The following ATXN7L1 variants were observed in gnomAD, a reference collection of about 807,000 sequenced individuals.
The protein encoded by ATXN7L1 is ataxin-7-like protein 1.
A neutral mutation model predicts 70.8 loss-of-function variants in ATXN7L1; 15 were observed. That is an observed-to-expected ratio of 0.21 (90% confidence interval 0.14 to 0.33). The LOEUF is 0.33. ATXN7L1 is among the 10% of genes least tolerant of loss of function. The probability of loss-of-function intolerance (pLI) is 1.00; values close to 1 mark genes in which losing one functional copy is unlikely to be tolerated. For synonymous variants in ATXN7L1, 440 were observed against 445.1 expected (o/e 0.99, Z 0.14); for missense variants, 975 against 1,097.1 (o/e 0.89, Z 1.57).
At chr7:105,757,686 G>A (rs530092842) in intron 3 of ATXN7L1, among the ~76,000 whole-genome samples, 7 of 149,664 alleles carry the variant, frequency 4.7e-5, no homozygotes, top group South Asian at 2.1e-4. Flanking sequence ...CCCAAGGAGC[G>A]ATCCTCCCAC....
intron 4 of ATXN7L1, among the ~76,000 whole-genome samples, chr7:105,643,720 T>G (rs1435640089): frequency 2.6e-5 from 4 of 152,254 alleles, no homozygotes; most frequent in Non-Finnish European, 4.4e-5. Context: ...TGAGCCGCCA[T>G]GTAGCATTAT....
intron 3 of ATXN7L1, among the ~76,000 whole-genome samples, chr7:105,691,403 T>C (rs1790808947): frequency 6.6e-6 from 1 of 152,096 alleles, no homozygotes; most frequent in African/African-American, 2.4e-5. Context: ...ACACCGCCGT[T>C]TCTCTAAGTG....
intron 3 of ATXN7L1, among the ~76,000 whole-genome samples, chr7:105,712,854 G>A (rs1294772419): frequency 2.0e-5 from 3 of 152,082 alleles, no homozygotes; most frequent in Non-Finnish European, 4.4e-5. Context: ...TTCCAAAGTC[G>A]CTTCCACATT....
At chr7:105,836,906 A>C in intron 2 of ATXN7L1, among the ~76,000 whole-genome samples, 1 of 151,992 alleles carries the variant, frequency 6.6e-6, no homozygotes, top group East Asian at 1.9e-4. Context: ...AAAAATACAA[A>C]AATTAGCCGG....
chr7:105,608,291 A>C (rs1792862448), intron 11 of ATXN7L1, among the ~76,000 whole-genome samples: 1 of 152,228 alleles, frequency 6.6e-6, no homozygotes, highest in Non-Finnish European at 1.5e-5. Context: ...GTTGGGTTAA[A>C]CACAGAGGCT....
rs183739607 is a variant in ATXN7L1 at position 105,750,973 on chromosome 7, G to T, written c.355+37631C>A. Among the ~76,000 whole-genome samples the T allele has an allele frequency of 6.6e-5, 10 of 152,254 alleles. No homozygotes were observed. The East Asian group carries it at 1.2e-3, about 18-fold the overall frequency. On this transcript the variant is annotated intron_variant, in intron 3 of 11. Transcript: ENST00000419735. ...CCACTTTCGTTGCTTCAAGTTGACTGGCTGCCTCACTGTTGTTTTTTCCTT... is the reference window on the plus strand; with the variant it reads ...CCACTTTCGTTGCTTCAAGTTGACTTGCTGCCTCACTGTTGTTTTTTCCTT...
chr7:105,793,071 G>A (rs1312121386), intron 2 of ATXN7L1, among the ~76,000 whole-genome samples: 1 of 152,212 alleles, frequency 6.6e-6, no homozygotes, highest in African/African-American at 2.4e-5. Context: ...CGGATACTCT[G>A]ACTCTAAAGC....
At chr7:105,727,765 TATATATATATATAC>T (rs1273043373) in intron 3 of ATXN7L1, among the ~76,000 whole-genome samples, 1 of 92,656 alleles carries the variant, frequency 1.1e-5, no homozygotes, top group Admixed American at 1.3e-4. Context: ...TATATATATA[TATATATATATATAC>T]ACACACATAC....
At chr7:105,761,418 C>A (rs369430279) in intron 3 of ATXN7L1, 2 of 1,614,010 alleles carry the variant, frequency 1.2e-6, no homozygotes, top group South Asian at 1.1e-5. Flanking sequence ...GCTCTCTGGT[C>A]CACTCCTGGA....
At chr7:105,656,681 T>C (rs755890746) in intron 4 of ATXN7L1, among the ~76,000 whole-genome samples, 9 of 151,886 alleles carry the variant, frequency 5.9e-5, no homozygotes, top group Non-Finnish European at 1.0e-4. Flanking sequence ...AGCGATTGTC[T>C]TGCCTCAGCC....
At chr7:105,815,132 T>C (rs1304869781) in intron 2 of ATXN7L1, among the ~76,000 whole-genome samples, 1 of 152,204 alleles carries the variant, frequency 6.6e-6, no homozygotes. Flanking sequence ...ATAAAGGTGT[T>C]CATTTCCTCT....
Position 105,761,416 on chromosome 7 carries a change from G to T in ATXN7L1, c.355+27188C>A, listed in dbSNP as rs376142896. On this transcript the variant is annotated intron_variant, in intron 3 of 11. Coordinates refer to ENST00000419735, the MANE Select transcript of ATXN7L1 (RefSeq NM_020725.2). ...TTCTCTATGGCTTGGCTGCTCTCTG[G>T]TCCACTCCTGGAGATGCCTTCATTT... The T allele has an allele frequency of 2.4e-5, 38 of 1,614,100 alleles. No homozygotes were observed. The African/African-American group carries it at 4.4e-4, about 19-fold the overall frequency.
At chr7:105,840,280 C>T (rs1444534260) in intron 2 of ATXN7L1, among the ~76,000 whole-genome samples, 1 of 152,192 alleles carries the variant, frequency 6.6e-6, no homozygotes, top group Non-Finnish European at 1.5e-5. Flanking sequence ...AGTCACTAAC[C>T]AGGCACTAAC....
chr7:105,734,802 TAG>T (rs35212819), intron 3 of ATXN7L1, among the ~76,000 whole-genome samples: 106,041 of 149,350 alleles, frequency 0.71, 39,467 homozygotes, highest in East Asian at 1. Context: ...TCAAAGTGAA[TAG>T]AGAGAGAGAG....
At chr7:105,860,808 C>A (rs1816516270) in intron 2 of ATXN7L1, among the ~76,000 whole-genome samples, 7 of 152,152 alleles carry the variant, frequency 4.6e-5, no homozygotes. Context: ...TATAACACTG[C>A]TGGTTGAAAG....
At chr7:105,776,632 G>C (rs1030346870) in intron 3 of ATXN7L1, among the ~76,000 whole-genome samples, 1 of 152,130 alleles carries the variant, frequency 6.6e-6, no homozygotes, top group Non-Finnish European at 1.5e-5. Flanking sequence ...GTGTGAGAGG[G>C]GGGAGGGGTG....
rs556048408 is a variant in ATXN7L1 at position 105,740,784 on chromosome 7, T to TTTTTTTTTTTTTTTTTTTG, written c.355+47819_355+47820insCAAAAAAAAAAAAAAAAAA. ...GGCTCCATTCATTTTTTTTTTTTTTTAATGGAGTCTCACTCTGTCGCCCAG... is the reference window on the plus strand; with the variant it reads ...GGCTCCATTCATTTTTTTTTTTTTTTTTTTTTTTTTTTTTTTTTGAATGGAGTCTCACTCTGTCGCCCAG... On this transcript the variant is annotated intron_variant, in intron 3 of 11. Coordinates refer to ENST00000419735, the MANE Select transcript of ATXN7L1 (RefSeq NM_020725.2). 4.7e-4 allele frequency among the ~76,000 whole-genome samples: 37 copies of TTTTTTTTTTTTTTTTTTTG among 77,914 alleles called. 6 individuals carry two copies. The highest frequency in any genetic ancestry group is 1.7e-3 in the African/African-American group (27 of 16,352). 51.1% of individuals were successfully genotyped at this position (77,914 alleles called of 152,430 possible).
At chr7:105,670,600 A>T (rs1395764937) in intron 3 of ATXN7L1, among the ~76,000 whole-genome samples, 1 of 152,130 alleles carries the variant, frequency 6.6e-6, no homozygotes, top group Non-Finnish European at 1.5e-5. Flanking sequence ...GGTAATATTC[A>T]ATCATTAACA....
intron 2 of ATXN7L1, among the ~76,000 whole-genome samples, chr7:105,824,923 A>G (rs1214905745): frequency 6.7e-6 from 1 of 149,800 alleles, no homozygotes; most frequent in Non-Finnish European, 1.5e-5. Flanking sequence ...TTCCGTCTCA[A>G]AAAAAAAAAA....
Sources: gnomAD v4.1 joint callset for allele counts (sites outside exome capture counted in the v4.1 genomes callset) on GRCh38, gnomAD v4.1.1 for gene constraint, MANE v1.5 for transcripts, NCBI Gene and HGNC (gene_info 2026-07-23, HGNC 2026-07-21) for gene names.